The following PPP2R3B variants were observed in gnomAD, a reference collection of about 807,000 sequenced individuals.
PPP2R3B encodes serine/threonine-protein phosphatase 2A regulatory subunit B'' subunit beta.
In PPP2R3B, 68 loss-of-function variants were observed where a neutral mutation model predicts 72.9. That is an observed-to-expected ratio of 0.93 (90% CI 0.77 to 1.14). The LOEUF (loss-of-function observed/expected upper bound fraction) is 1.14. PPP2R3B is among the 50% of genes most tolerant of loss of function. PPP2R3B has a pLI of 0.00. For missense variants in PPP2R3B, 1,018 were observed against 842.0 expected (o/e 1.21, Z -2.59); for synonymous variants, 466 against 375.8 (o/e 1.24, Z -2.78).
chrX:346,590 G>A (rs2071219594), intron 5 of PPP2R3B, 111 bp downstream of exon 5: 1 of 1,058,120 alleles, frequency 9.5e-7, no homozygotes, highest in Non-Finnish European at 1.4e-6. Flanking sequence ...TCCTCCGGAA[G>A]CTCAGGAACC....
chrX:375,401 C>T (rs1170795142), intron 1 of PPP2R3B, among the ~76,000 whole-genome samples: 1 of 147,002 alleles, frequency 6.8e-6, no homozygotes, highest in Non-Finnish European at 1.5e-5. Flanking sequence ...TGCCCAGTCA[C>T]CCACGATGCA....
intron 2 of PPP2R3B, among the ~76,000 whole-genome samples, chrX:350,246 G>C (rs1218314593): frequency 2.0e-5 from 3 of 152,204 alleles, no homozygotes; most frequent in East Asian, 3.8e-4. Context: ...CTGAATACCA[G>C]GGGATCCCAG....
At chrX:364,520 A>C (rs866279676) in intron 1 of PPP2R3B, among the ~76,000 whole-genome samples, 6,018 of 99,284 alleles carry the variant, frequency 0.061, 451 homozygotes, top group Admixed American at 0.072. Flanking sequence ...AAAAAAAAAA[A>C]CAAAAAAAAA....
At chrX:354,195 G>T (rs759263756) in intron 2 of PPP2R3B, among the ~76,000 whole-genome samples, 17 of 147,420 alleles carry the variant, frequency 1.2e-4, no homozygotes, top group Non-Finnish European at 2.0e-4. Flanking sequence ...AACACCGGGG[G>T]CTCACCCAGG....
At chrX:359,357 C>T (rs1201999849) in intron 2 of PPP2R3B, among the ~76,000 whole-genome samples, 1 of 152,222 alleles carries the variant, frequency 6.6e-6, no homozygotes, top group Non-Finnish European at 1.5e-5. Context: ...TCTGCCAGGG[C>T]ACGGAGCAGG....
intron 9 of PPP2R3B, 30 bp downstream of exon 9, chrX:341,277 G>A: frequency 6.2e-7 from 1 of 1,607,304 alleles, no homozygotes. Flanking sequence ...CCCTCCACTG[G>A]GACAAACGCA....
At chrX:373,821 C>G (rs1020583086) in intron 1 of PPP2R3B, 3 of 151,844 alleles carry the variant, frequency 2.0e-5, no homozygotes, top group African/African-American at 7.2e-5. Flanking sequence ...GCGCGCATTC[C>G]TCAGGCTGAG....
chrX:368,400 T>C (rs867290312), intron 1 of PPP2R3B, among the ~76,000 whole-genome samples: 3 of 47,696 alleles, frequency 6.3e-5, no homozygotes, highest in African/African-American at 2.1e-4. Context: ...CCACCCACCT[T>C]GGGCACCGAC....
chrX:346,037 G>C (rs1250364210), intron 6 of PPP2R3B, 137 bp downstream of exon 6: 10 of 529,550 alleles, frequency 1.9e-5, no homozygotes, highest in Non-Finnish European at 2.4e-5. Flanking sequence ...TGGGAGCGCG[G>C]TGGAGGTGGG....
rs151201985 is a variant in PPP2R3B, at chrX:338,660, G to A, written c.1521C>T (p.Ala507=). Residue 507 remains alanine (A), a synonymous_variant, in exon 12 of 13, where the codon GCC becomes GCT. Coordinates refer to ENST00000390665, the MANE Select transcript of PPP2R3B (RefSeq NM_013239.5). ...PELSDWEKYA[A]EEYDILVAEE... is the part of the protein sequence containing the mutation. ...CGGCCACCAGGATGTCGTACTCCTC[G>A]GCCGCGTACTTCTCCCAGTCCGAGA... 118 of 1,611,154 alleles carry A rather than the reference G, an allele frequency of 7.3e-5. No individual in the cohort carries two copies. The highest frequency in any genetic ancestry group is 3.3e-4 in the African/African-American group (25 of 74,834).
At position 386,457 on chromosome X, in the gene PPP2R3B, G is replaced by GCCCGGGGGTT. The variant is rs755876969; in HGVS notation, c.225_234dup (p.Pro79AsnfsTer27). ...GCGCCCAGGGGCAGCGCAGGGCCCG[G>GCCCGGGGGTT]CCCGGGGGTTCCCGGGGGTTCGAGC... is the stretch of plus-strand genomic sequence containing the variant. On this transcript the variant is annotated frameshift_variant, in exon 1 of 13. Transcript: ENST00000390665. LOFTEE classifies it high-confidence loss of function. The GCCCGGGGGTT allele has an allele frequency of 1.2e-5, 16 of 1,309,558 alleles. No homozygotes were observed. The highest frequency in any genetic ancestry group is 1.6e-5 in the Non-Finnish European group (16 of 1,026,924). 81.1% of individuals were successfully genotyped at this position (1,309,558 alleles called of 1,614,324 possible).
At chrX:346,673 A>ACCGT in intron 5 of PPP2R3B, 28 bp downstream of exon 5, 4 of 1,591,084 alleles carry the variant, frequency 2.5e-6, no homozygotes, top group Non-Finnish European at 3.4e-6. Flanking sequence ...CCGCGCTGGA[A>ACCGT]CCGACGGCCC....
At chrX:383,513 T>C (rs769649659) in intron 1 of PPP2R3B, among the ~76,000 whole-genome samples, 5 of 152,218 alleles carry the variant, frequency 3.3e-5, no homozygotes, top group African/African-American at 9.6e-5. Flanking sequence ...TTAAACTGCA[T>C]AGTATAAAAC....
chrX:384,017 CTG>C (rs2072187610), intron 1 of PPP2R3B, among the ~76,000 whole-genome samples: 1 of 151,992 alleles, frequency 6.6e-6, no homozygotes. Context: ...AGAACAGACT[CTG>C]TGGCAAACAA....
At chrX:360,866 G>C (rs1458983913) in intron 2 of PPP2R3B, among the ~76,000 whole-genome samples, 1 of 152,226 alleles carries the variant, frequency 6.6e-6, no homozygotes, top group African/African-American at 2.4e-5. Context: ...CAGGCGGTCA[G>C]CCTGGAGAGC....
chrX:363,707 T>TC (rs1423015774), intron 1 of PPP2R3B, among the ~76,000 whole-genome samples: 1 of 152,028 alleles, frequency 6.6e-6, no homozygotes, highest in Non-Finnish European at 1.5e-5. Flanking sequence ...ACAGTGCATC[T>TC]TCCCGAGCCC....
At chrX:346,392 G>T in intron 5 of PPP2R3B, 132 bp from the exon 6 acceptor site, 1 of 885,428 alleles carries the variant, frequency 1.1e-6, no homozygotes, top group Non-Finnish European at 1.7e-6. Flanking sequence ...ACAGGCGGGG[G>T]CAGAGGGAAG....
At chrX:370,519 C>G (rs1164448380) in intron 1 of PPP2R3B, among the ~76,000 whole-genome samples, 2 of 152,078 alleles carry the variant, frequency 1.3e-5, no homozygotes, top group Non-Finnish European at 1.5e-5. Flanking sequence ...CGCAACACAG[C>G]GAGGGGAGGA....
At chrX:353,819 AGGGGCTCGCCCAAAGACC>A (rs1399497804) in intron 2 of PPP2R3B, among the ~76,000 whole-genome samples, 4 of 141,208 alleles carry the variant, frequency 2.8e-5, no homozygotes, top group Non-Finnish European at 4.6e-5. Flanking sequence ...CCCAAGGAGC[AGGGGCTCGCCCAAAGACC>A]GGGGCTCGCC....
Sources: gnomAD v4.1 joint callset for allele counts (sites outside exome capture counted in the v4.1 genomes callset) on GRCh38, gnomAD v4.1.1 for gene constraint, MANE v1.5 for transcripts, NCBI Gene and HGNC (gene_info 2026-07-23, HGNC 2026-07-21) for gene names.